PCDH15: variants seen among roughly 807,000 people sequenced by gnomAD.
PCDH15 encodes protocadherin-15.
In PCDH15, 129 loss-of-function variants were observed where a neutral mutation model predicts 178.5. The observed-to-expected ratio is 0.72, with a 90% CI of 0.63 to 0.84. PCDH15 has a LOEUF of 0.84. Among genes scored for constraint, PCDH15 ranks in the 40% least tolerant of loss-of-function variants. The probability of loss-of-function intolerance (pLI) is 0.00; values close to 1 mark genes in which losing one functional copy is unlikely to be tolerated. For missense variants in PCDH15, 2,230 were observed against 2,099.9 expected (o/e 1.06, Z -1.21); for synonymous variants, 800 against 732.0 (o/e 1.09, Z -1.50).
chr10:53,979,988 G>T (rs2090491142), intron 21 of PCDH15, among the ~76,000 whole-genome samples: 1 of 152,188 alleles, frequency 6.6e-6, no homozygotes, highest in Non-Finnish European at 1.5e-5. Flanking sequence ...GGAGGCCGAG[G>T]TGTGTGGATC....
At chr10:55,501,973 T>G (rs1401084097) in intron 2 of PCDH15, among the ~76,000 whole-genome samples, 1 of 151,774 alleles carries the variant, frequency 6.6e-6, no homozygotes, top group Non-Finnish European at 1.5e-5. Flanking sequence ...AAAAATGTTT[T>G]TTTTCTTATG....
At chr10:53,955,218 T>C (rs969027411) in intron 23 of PCDH15, among the ~76,000 whole-genome samples, 3 of 152,224 alleles carry the variant, frequency 2.0e-5, no homozygotes, top group Non-Finnish European at 4.4e-5. Context: ...TTCTGCTGAC[T>C]AAAATGGTAA....
rs117686143 is a variant in PCDH15, at chr10:54,871,139, G to C, written c.-29+26311C>G. Among the ~76,000 whole-genome samples, 1,098 of 152,194 alleles carry C rather than the reference G, an allele frequency of 7.2e-3. 8 individuals carry two copies. The highest frequency in any genetic ancestry group is 0.011 in the Non-Finnish European group (732 of 67,992). On this transcript the variant is annotated intron_variant, in intron 3 of 5. Transcript: ENST00000458638. ...TTTTTGGTTGCATTCACAGAGCATA[G>C]GGATTCCTGAATTAAATCTAATGTG... is the stretch of plus-strand genomic sequence containing the variant.
chr10:54,832,435 A>G (rs888557031), intron 3 of PCDH15, among the ~76,000 whole-genome samples: 1 of 152,236 alleles, frequency 6.6e-6, no homozygotes, highest in Non-Finnish European at 1.5e-5. Flanking sequence ...AAACAGCAAA[A>G]TGAAAACACT....
rs1374663580 is a variant in PCDH15, at chr10:53,848,963, A to G, written c.3806+8212T>C. 4.6e-5 allele frequency among the ~76,000 whole-genome samples: 7 copies of G among 152,130 alleles called. No individual in the cohort carries two copies. The East Asian group carries it at 9.6e-4, about 21-fold the overall frequency. On this transcript the variant is annotated intron_variant, in intron 28 of 37. Transcript: ENST00000644397. ...TTTTTAATTGATCTTCCAATAAAATATATTTTTAATCTGGGAAGATCTCAT... is the reference window on the plus strand; with the variant it reads ...TTTTTAATTGATCTTCCAATAAAATGTATTTTTAATCTGGGAAGATCTCAT...
intron 1 of PCDH15, among the ~76,000 whole-genome samples, chr10:54,729,966 C>T (rs952734953): frequency 1.3e-5 from 2 of 151,442 alleles, no homozygotes; most frequent in African/African-American, 4.8e-5. Flanking sequence ...CAAATTTGTT[C>T]GGCCACTGTG....
chr10:54,282,482 C>A (rs2058759998), intron 8 of PCDH15, among the ~76,000 whole-genome samples: 1 of 152,086 alleles, frequency 6.6e-6, no homozygotes, highest in Non-Finnish European at 1.5e-5. Context: ...GTCCAGGGAA[C>A]ATCTCTGATT....
intron 2 of PCDH15, among the ~76,000 whole-genome samples, chr10:55,072,025 A>G (rs1450407002): frequency 2.0e-5 from 3 of 152,208 alleles, no homozygotes; most frequent in African/African-American, 2.4e-5. Context: ...TGAAGGCAGA[A>G]ATAAAGATGT....
chr10:55,085,779 C>T (rs753368770), intron 2 of PCDH15, among the ~76,000 whole-genome samples: 12 of 151,654 alleles, frequency 7.9e-5, no homozygotes, highest in Non-Finnish European at 1.2e-4. Context: ...AAGTCCTTTT[C>T]CTATTGAAAT....
rs190125917 is a variant in PCDH15, at chr10:54,308,946, G to A, written c.876+8325C>T. ...CACATCATATGTTGACTCTAGATGT[G>A]TTATTTATCATTTGTTTCTTCAAAA... On this transcript the variant is annotated intron_variant, in intron 8 of 37. Coordinates refer to ENST00000644397, the MANE Select transcript of PCDH15 (RefSeq NM_001384140.1). 2.2e-3 allele frequency among the ~76,000 whole-genome samples: 328 copies of A among 152,126 alleles called. 1 individual carries two copies. The highest frequency in any genetic ancestry group is 5.6e-3 in the African/African-American group (231 of 41,518).
At chr10:53,959,969 C>A in intron 22 of PCDH15, 125 bp from the exon 23 acceptor site, 1 of 747,840 alleles carries the variant, frequency 1.3e-6, no homozygotes, top group South Asian at 1.5e-5. Context: ...ATGATCATTT[C>A]CTCACTGCCT....
intron 2 of PCDH15, among the ~76,000 whole-genome samples, chr10:54,611,071 A>G (rs146308294): frequency 1.7e-3 from 258 of 151,960 alleles, no homozygotes; most frequent in African/African-American, 5.8e-3. Flanking sequence ...CATGAGTAAC[A>G]CAATATAGTC....
intron 2 of PCDH15, among the ~76,000 whole-genome samples, chr10:55,070,649 T>C (rs541607375): frequency 3.3e-5 from 5 of 152,326 alleles, no homozygotes; most frequent in Non-Finnish European, 7.3e-5. Context: ...TCTGTTTTGG[T>C]ACCAGTACCA....
At chr10:54,272,339 C>T (rs1283006379) in intron 8 of PCDH15, among the ~76,000 whole-genome samples, 2 of 151,800 alleles carry the variant, frequency 1.3e-5, no homozygotes, top group South Asian at 2.1e-4. Context: ...TCATTCAGGA[C>T]TCCCACTGTT....
At chr10:54,343,385 C>T (rs1447765812) in intron 6 of PCDH15, among the ~76,000 whole-genome samples, 1 of 152,072 alleles carries the variant, frequency 6.6e-6, no homozygotes, top group African/African-American at 2.4e-5. Flanking sequence ...CTCCCCCTTT[C>T]CCTTTTGCTG....
chr10:53,886,592 CCTCTTT>C (rs1564686046), intron 26 of PCDH15, among the ~76,000 whole-genome samples: 1 of 122,342 alleles, frequency 8.2e-6, no homozygotes, highest in Non-Finnish European at 1.6e-5. Flanking sequence ...CACATGTATG[CCTCTTT>C]TTTTTTTTTT....
chr10:54,533,844 G>C (rs1030845558), intron 2 of PCDH15, among the ~76,000 whole-genome samples: 2 of 152,024 alleles, frequency 1.3e-5, no homozygotes, highest in Non-Finnish European at 2.9e-5. Flanking sequence ...CAAATCTTTG[G>C]GGGAGTGTTT....
At chr10:54,528,459 A>G in intron 2 of PCDH15, 2 of 1,374,922 alleles carry the variant, frequency 1.5e-6, no homozygotes, top group Non-Finnish European at 2.0e-6. Flanking sequence ...TGGAAGAAAG[A>G]AAGGAAGAGA....
intron 3 of PCDH15, among the ~76,000 whole-genome samples, chr10:54,497,710 G>A (rs1407731127): frequency 6.6e-6 from 1 of 151,976 alleles, no homozygotes; most frequent in Non-Finnish European, 1.5e-5. Flanking sequence ...AACCTCCAGG[G>A]CTTGAAGACT....
Sources: gnomAD v4.1 joint callset for allele counts (sites outside exome capture counted in the v4.1 genomes callset) on GRCh38, gnomAD v4.1.1 for gene constraint, MANE v1.5 for transcripts, NCBI Gene and HGNC (gene_info 2026-07-23, HGNC 2026-07-21) for gene names.